The following SLC8A3 variants were observed in gnomAD, a reference collection of about 807,000 sequenced individuals.
SLC8A3 encodes solute carrier family 8 member A3, also known as sodium/calcium exchanger 3.
In SLC8A3, 37 loss-of-function variants were observed where a neutral mutation model predicts 65.4. That is an observed-to-expected ratio of 0.57 (90% CI 0.44 to 0.74). The LOEUF is 0.74. Ranked by LOEUF, SLC8A3 falls within the 30% of genes least tolerant of loss-of-function variation. The probability of loss-of-function intolerance (pLI) is 0.00; values close to 1 mark genes in which losing one functional copy is unlikely to be tolerated. For synonymous variants in SLC8A3, 461 were observed against 444.5 expected (o/e 1.04, Z -0.47); for missense variants, 1,112 against 1,172.1 (o/e 0.95, Z 0.75).
chr14:70,081,582 C>T (rs1891056245), intron 2 of SLC8A3, among the ~76,000 whole-genome samples: 1 of 152,188 alleles, frequency 6.6e-6, no homozygotes, highest in Non-Finnish European at 1.5e-5. Context: ...TGTGGGTCAT[C>T]AAGGTCCAGG....
intron 2 of SLC8A3, among the ~76,000 whole-genome samples, chr14:70,128,043 T>C (rs912627807): frequency 6.6e-6 from 1 of 152,214 alleles, no homozygotes; most frequent in African/African-American, 2.4e-5. Flanking sequence ...GAATTCATCA[T>C]TGGCCCCCAA....
intron 2 of SLC8A3, among the ~76,000 whole-genome samples, chr14:70,155,151 C>A (rs991670799): frequency 7.9e-5 from 12 of 152,054 alleles, no homozygotes; most frequent in Admixed American, 7.9e-4. Context: ...AAACTCCTGA[C>A]CTTAGGTGAT....
chr14:70,140,625 G>A (rs1488463148), intron 2 of SLC8A3, among the ~76,000 whole-genome samples: 3 of 152,136 alleles, frequency 2.0e-5, no homozygotes, highest in Admixed American at 1.3e-4. Flanking sequence ...AATAGTAATA[G>A]TACCTACCAA....
chr14:70,165,146 A>G (rs1352586796), intron 2 of SLC8A3, among the ~76,000 whole-genome samples: 3 of 152,260 alleles, frequency 2.0e-5, no homozygotes, highest in Admixed American at 6.5e-5. Flanking sequence ...GCCTCCAGGC[A>G]AGGAAAGTAT....
At position 70,080,758 on chromosome 14, in the gene SLC8A3, T is replaced by C. The variant is rs371505535; in HGVS notation, c.1785-19819A>G. Among the ~76,000 whole-genome samples, 74 of 152,328 alleles carry C rather than the reference T, an allele frequency of 4.9e-4. No individual in the cohort carries two copies. In the South Asian group the frequency reaches 0.012, roughly 24 times the overall value. On this transcript the variant is annotated intron_variant, in intron 2 of 6. Coordinates refer to ENST00000356921, the MANE Select transcript of SLC8A3 (RefSeq NM_182932.3). ...CCTTTTATTTGTGCACGGAGCTCCA[T>C]ACACTCAGTGGATTTGAATGCCTAC... is the stretch of plus-strand genomic sequence containing the variant.
intron 2 of SLC8A3, among the ~76,000 whole-genome samples, chr14:70,142,532 G>GA (rs764350423): frequency 3.3e-4 from 50 of 152,324 alleles, no homozygotes; most frequent in Non-Finnish European, 5.7e-4. Flanking sequence ...TGACCAAGGA[G>GA]AAAAAATATG....
chr14:70,072,124 T>A (rs926233087), intron 2 of SLC8A3, among the ~76,000 whole-genome samples: 4 of 152,198 alleles, frequency 2.6e-5, no homozygotes, highest in African/African-American at 9.6e-5. Context: ...TGTAGACCCA[T>A]TTGAGGACTT....
chr14:70,122,723 T>C (rs1195589056), intron 2 of SLC8A3, among the ~76,000 whole-genome samples: 1 of 152,114 alleles, frequency 6.6e-6, no homozygotes, highest in Non-Finnish European at 1.5e-5. Context: ...TAGATGACCT[T>C]CAAAATTTTC....
At chr14:70,186,945 T>A (rs113085450) in intron 1 of SLC8A3, among the ~76,000 whole-genome samples, 73 of 152,250 alleles carry the variant, frequency 4.8e-4, no homozygotes, top group African/African-American at 1.6e-3. Flanking sequence ...TCAGCTCAAG[T>A]GGATGGGGCA....
chr14:70,057,960 T>C (rs756121907), intron 3 of SLC8A3, among the ~76,000 whole-genome samples: 1 of 152,164 alleles, frequency 6.6e-6, no homozygotes, highest in African/African-American at 2.4e-5. Context: ...GGCCCAACAG[T>C]CTTGATTATG....
intron 2 of SLC8A3, among the ~76,000 whole-genome samples, chr14:70,127,555 T>G (rs1894550009): frequency 6.6e-6 from 1 of 152,206 alleles, no homozygotes; most frequent in South Asian, 2.1e-4. Context: ...GCTGCCTAAC[T>G]GGGACCAGCA....
chr14:70,077,913 C>G (rs1469136085), intron 2 of SLC8A3, among the ~76,000 whole-genome samples: 1 of 152,242 alleles, frequency 6.6e-6, no homozygotes, highest in Non-Finnish European at 1.5e-5. Flanking sequence ...TGTTCAGAGG[C>G]AGATGGCTTG....
chr14:70,116,539 G>A (rs953942034), intron 2 of SLC8A3, among the ~76,000 whole-genome samples: 9 of 152,154 alleles, frequency 5.9e-5, no homozygotes, highest in Non-Finnish European at 1.0e-4. Flanking sequence ...AAGGTGCCAG[G>A]CACATCACCC....
At chr14:70,086,854 C>T (rs1332017182) in intron 2 of SLC8A3, among the ~76,000 whole-genome samples, 1 of 152,198 alleles carries the variant, frequency 6.6e-6, no homozygotes, top group Non-Finnish European at 1.5e-5. Context: ...AAGCCTTCTG[C>T]TCTGGGAATG....
chr14:70,133,747 G>A (rs1418138564), intron 2 of SLC8A3, among the ~76,000 whole-genome samples: 1 of 152,228 alleles, frequency 6.6e-6, no homozygotes, highest in Non-Finnish European at 1.5e-5. Flanking sequence ...TCTGATAGAA[G>A]CACAATTCTG....
Position 70,046,594 on chromosome 14 carries a change from G to T in SLC8A3, c.2390-271C>A. The T allele has an allele frequency of 2.5e-6, 1 of 395,070 alleles. No individual in the cohort carries two copies. The highest frequency in any genetic ancestry group is 4.5e-6 in the Non-Finnish European group (1 of 220,452). The allele number at this position is 395,070 out of a possible 1,614,324, so 24.5% of individuals were successfully genotyped here. ...TCCAGTTCTGATATTTACTGAGTGG[G>T]CTTATTGTTCTCCTTTGACTACTTT... On this transcript the variant is annotated intron_variant, in intron 6 of 6. Transcript: ENST00000356921. The surrounding 1 kb of genome is among the most constrained non-coding windows in gnomAD (Gnocchi z 4.2).
chr14:70,102,234 G>A (rs1297658126), intron 2 of SLC8A3, among the ~76,000 whole-genome samples: 1 of 152,162 alleles, frequency 6.6e-6, no homozygotes, highest in Non-Finnish European at 1.5e-5. Context: ...GAAGTAAGGA[G>A]CATACAATAG....
intron 1 of SLC8A3, among the ~76,000 whole-genome samples, chr14:70,184,323 C>T (rs1883005165): frequency 6.6e-6 from 1 of 152,184 alleles, no homozygotes; most frequent in South Asian, 2.1e-4. Flanking sequence ...ATTTTCCTAA[C>T]CCCGTGCTGG....
intron 2 of SLC8A3, among the ~76,000 whole-genome samples, chr14:70,067,478 C>G (rs987758663): frequency 2.6e-5 from 4 of 152,210 alleles, no homozygotes; most frequent in Admixed American, 2.0e-4. Context: ...AAGTTCTTGT[C>G]TATCTGACTT....
Sources: allele counts gnomAD v4.1 joint callset (sites outside exome capture counted in the v4.1 genomes callset), GRCh38; gene constraint gnomAD v4.1.1; non-coding constraint Gnocchi (gnomAD v3.1); transcripts MANE v1.5; gene names NCBI Gene and HGNC (gene_info 2026-07-23, HGNC 2026-07-21).